Variants in UHRF2 observed in about 807,000 individuals in gnomAD.
UHRF2 encodes the protein ubiquitin like with PHD and ring finger domains 2.
In UHRF2, 23 loss-of-function variants were observed where a neutral mutation model predicts 96.8. The observed-to-expected ratio is 0.24, with a 90% CI of 0.17 to 0.34. The LOEUF (loss-of-function observed/expected upper bound fraction) is 0.34, where lower values mean the gene tolerates loss of function less well. Among genes scored for constraint, UHRF2 ranks in the 10% least tolerant of loss-of-function variants. The probability of loss-of-function intolerance (pLI) is 1.00; values close to 1 mark genes in which losing one functional copy is unlikely to be tolerated. For synonymous variants in UHRF2, 385 were observed against 332.6 expected, an observed-to-expected ratio of 1.16 and a Z score of -1.72; for missense variants, 685 against 981.5, an observed-to-expected ratio of 0.70 and a Z score of 4.04.
At chr9:6,421,193 T>C (rs1175704851) in intron 2 of UHRF2, 51 bp downstream of exon 2, 1 of 1,371,728 alleles carries the variant, frequency 7.3e-7, no homozygotes, top group Non-Finnish European at 1.0e-6. Context: ...ATAAATTTAT[T>C]TTCTGTTCAG....
In UHRF2 at chr9:6,506,496, A is replaced by G; in HGVS notation, c.*317A>G. 5.3e-6 allele frequency: 1 copy of G among 188,280 alleles called. No individual in the cohort carries two copies. 11.7% of individuals were successfully genotyped at this position (188,280 alleles called of 1,614,324 possible). On this transcript the variant is annotated 3_prime_UTR_variant, in exon 16 of 16. Transcript: ENST00000276893. ...GAAAAGATTTATGGGGATTTTAAAA[A>G]TCATTGAATAACTAGTTAAATGAAA... is the stretch of plus-strand genomic sequence containing the variant.
chr9:6,422,394 C>A (rs866041822), intron 2 of UHRF2, among the ~76,000 whole-genome samples: 4 of 151,724 alleles, frequency 2.6e-5, no homozygotes, highest in African/African-American at 7.3e-5. Context: ...GTTTTGATCT[C>A]CCTTTCTCCT....
At chr9:6,455,319 C>A (rs951574978) in intron 3 of UHRF2, among the ~76,000 whole-genome samples, 1 of 152,212 alleles carries the variant, frequency 6.6e-6, no homozygotes, top group African/African-American at 2.4e-5. Context: ...CCCGGGTGTG[C>A]GATGTTCCCC....
intron 2 of UHRF2, among the ~76,000 whole-genome samples, chr9:6,428,577 A>ATCTCAT (rs2130750016): frequency 1.3e-5 from 1 of 76,208 alleles, no homozygotes; most frequent in African/African-American, 5.7e-5. Flanking sequence ...TTTTTGAACG[A>ATCTCAT]TCTCATTCTG....
intron 3 of UHRF2, among the ~76,000 whole-genome samples, chr9:6,434,700 A>G (rs758778244): frequency 4.3e-4 from 65 of 152,150 alleles, no homozygotes; most frequent in Non-Finnish European, 5.3e-4. Context: ...TGGCCTCCCA[A>G]AGTGCTGGGA....
At chr9:6,477,477 G>T in intron 5 of UHRF2, 145 bp from the exon 6 acceptor site, 1 of 659,606 alleles carries the variant, frequency 1.5e-6, no homozygotes, top group South Asian at 2.6e-5. Flanking sequence ...AGTGAGCCAA[G>T]ATCACGCCAT....
chr9:6,462,320 G>C (rs1822592948), intron 4 of UHRF2, among the ~76,000 whole-genome samples: 1 of 146,514 alleles, frequency 6.8e-6, no homozygotes, highest in African/African-American at 2.5e-5. Context: ...TGACTCCTGA[G>C]ATTTAAAAAA....
intron 4 of UHRF2, among the ~76,000 whole-genome samples, chr9:6,473,944 C>T (rs1192970216): frequency 6.6e-6 from 1 of 152,230 alleles, no homozygotes; most frequent in Admixed American, 6.5e-5. Context: ...CACTATAGGA[C>T]AAATGGTTGG....
intron 4 of UHRF2, among the ~76,000 whole-genome samples, chr9:6,473,893 A>G (rs776343343): frequency 3.9e-5 from 6 of 152,220 alleles, no homozygotes; most frequent in Non-Finnish European, 8.8e-5. Context: ...TTTAACCCAT[A>G]CTTTGGGAAT....
Position 6,460,667 on chromosome 9 carries a change from G to A in UHRF2, c.739G>A (p.Val247Met), listed in dbSNP as rs144169243. Residue 247 changes from valine to methionine, a missense_variant, in exon 4 of 16, where the codon GTG (valine) becomes ATG (methionine). By Grantham distance (21) the Val-to-Met change is conservative. Transcript: ENST00000276893. ...ATGGAATGAACTAAATGTTGGTGAT[G>A]TGGTAATGGTTAATTATAATGTAGA... The part of the protein sequence containing the change: ...LKWNELNVGD[V>M]VMVNYNVESP... The A allele has an allele frequency of 1.8e-4, 298 of 1,613,734 alleles. 1 individual carries two copies. Among genetic ancestry groups the A allele is most frequent in the South Asian group, 7.0e-4 (64 of 91,070 alleles).
At position 6,430,157 on chromosome 9, in the gene UHRF2, C is replaced by T. The variant is rs1042275474; in HGVS notation, c.385-3757C>T. 1.1e-4 allele frequency among the ~76,000 whole-genome samples: 16 copies of T among 152,284 alleles called. No individual in the cohort carries two copies. In the Middle Eastern group the frequency reaches 0.01, roughly 97 times the overall value. ...TCCCAAGTAGCTGGGATTACAGGTG[C>T]ATGCCACCATGCCCGGCTAATTTTG... On this transcript the variant is annotated intron_variant, in intron 2 of 15. Coordinates refer to ENST00000276893, the MANE Select transcript of UHRF2 (RefSeq NM_152896.3).
At position 6,416,533 on chromosome 9, in the gene UHRF2, A is replaced by G. The variant is rs534937262; in HGVS notation, c.153+2890A>G. Among the ~76,000 whole-genome samples, 444 of 138,170 alleles carry G rather than the reference A, an allele frequency of 3.2e-3. 2 individuals carry two copies. Among genetic ancestry groups the G allele is most frequent in the African/African-American group, 0.012 (434 of 36,402 alleles). 90.6% of individuals were successfully genotyped at this position (138,170 alleles called of 152,430 possible). A position where few individuals can be genotyped will look rare whatever the true frequency, so the allele number is the denominator to read the frequency against. On this transcript the variant is annotated intron_variant, in intron 1 of 15. Coordinates refer to ENST00000276893, the MANE Select transcript of UHRF2 (RefSeq NM_152896.3). Reference sequence around the variant, plus strand: ...AGAGATTATGTTGGTGGATCTCTAAATCTTTTTTTTTTTTTTTTTTTTTTT... The same window carrying G: ...AGAGATTATGTTGGTGGATCTCTAAGTCTTTTTTTTTTTTTTTTTTTTTTT...
At chr9:6,422,378 T>C (rs1173696437) in intron 2 of UHRF2, among the ~76,000 whole-genome samples, 1 of 152,138 alleles carries the variant, frequency 6.6e-6, no homozygotes, top group South Asian at 2.1e-4. Context: ...TGTAGCCTTA[T>C]AGACTGTTTT....
chr9:6,476,689 G>C (rs908866539), intron 5 of UHRF2, among the ~76,000 whole-genome samples: 1 of 151,990 alleles, frequency 6.6e-6, no homozygotes, highest in Non-Finnish European at 1.5e-5. Flanking sequence ...CTGCCTCCCG[G>C]GTTCAGGTGA....
chr9:6,439,712 G>A (rs959332193), intron 3 of UHRF2, among the ~76,000 whole-genome samples: 34 of 152,186 alleles, frequency 2.2e-4, no homozygotes, highest in African/African-American at 8.2e-4. Flanking sequence ...TTAAACTCTA[G>A]AGATTTAGAT....
intron 4 of UHRF2, among the ~76,000 whole-genome samples, chr9:6,474,024 A>T (rs1176790857): frequency 6.6e-6 from 1 of 151,710 alleles, no homozygotes; most frequent in East Asian, 1.9e-4. Flanking sequence ...TTTCAAACAC[A>T]GGCAAAACTG....
chr9:6,457,289 C>T (rs1822241897), intron 3 of UHRF2, among the ~76,000 whole-genome samples: 2 of 152,080 alleles, frequency 1.3e-5, no homozygotes, highest in South Asian at 4.1e-4. Context: ...GGAGTTCACT[C>T]ATGATTTGGC....
intron 3 of UHRF2, among the ~76,000 whole-genome samples, chr9:6,450,337 C>A (rs1365498656): frequency 8.7e-6 from 1 of 114,402 alleles, no homozygotes. Flanking sequence ...TAAACTGTGT[C>A]ATTTGTCTTG....
rs201033696 is a variant in UHRF2 at position 6,433,907 on chromosome 9, T to C, written c.385-7T>C. 3 of 1,598,176 alleles carry C rather than the reference T, an allele frequency of 1.9e-6. No individual in the cohort carries two copies. Among genetic ancestry groups the C allele is most frequent in the African/African-American group, 1.3e-5 (1 of 74,592 alleles). ...AGCTTCATTAACTGATTTTAAACTT[T>C]TTTTAGGTAAATGAATTGGTGGATG... On this transcript the variant is annotated splice_region_variant and splice_polypyrimidine_tract_variant and intron_variant, in intron 2 of 15. Transcript: ENST00000276893.
Sources: gnomAD v4.1 joint callset for allele counts (sites outside exome capture counted in the v4.1 genomes callset) on GRCh38, gnomAD v4.1.1 for gene constraint, MANE v1.5 for transcripts, NCBI Gene and HGNC (gene_info 2026-07-23, HGNC 2026-07-21) for gene names.